The following NEK7 variants were observed in gnomAD, a reference collection of about 807,000 sequenced individuals.
The protein encoded by NEK7 is NIMA related kinase 7.
A neutral mutation model predicts 44.6 loss-of-function variants in NEK7; 18 were observed. The ratio of observed to expected loss-of-function variants is 0.40; its 90% CI spans 0.28 to 0.60. The LOEUF (loss-of-function observed/expected upper bound fraction) is 0.60. NEK7 is among the 20% of genes least tolerant of loss of function. NEK7 has a pLI of 0.38. For missense variants in NEK7, 256 were observed against 366.5 expected, an observed-to-expected ratio of 0.70 and a Z score of 2.46; for synonymous variants, 130 against 121.1, an observed-to-expected ratio of 1.07 and a Z score of -0.48.
intron 7 of NEK7, 42 bp downstream of exon 7, chr1:198,279,103 G>A: frequency 8.4e-7 from 1 of 1,197,314 alleles, no homozygotes; most frequent in African/African-American, 1.5e-5. Flanking sequence ...CTTTGTGTAT[G>A]TGTGATTAAA....
intron 5 of NEK7, among the ~76,000 whole-genome samples, chr1:198,277,416 C>G (rs1028045918): frequency 6.6e-6 from 1 of 151,746 alleles, no homozygotes; most frequent in African/African-American, 2.4e-5. Flanking sequence ...TTCATTCATT[C>G]AAAGCAAAGT....
At position 198,320,214 on chromosome 1, in the gene NEK7, A is replaced by G. The variant is rs1377172847; in HGVS notation, c.*692A>G. On this transcript the variant is annotated 3_prime_UTR_variant, in exon 10 of 10. Transcript: ENST00000367385. ...CTTTGCATTGAAATGGTATAAATGA[A>G]TCCATTTAAAAAGTGGTTAAGGATT... 1 of 152,172 alleles carries G rather than the reference A, an allele frequency of 6.6e-6. No homozygotes were observed. Among genetic ancestry groups the G allele is most frequent in the African/African-American group, 2.4e-5 (1 of 41,450 alleles). 9.4% of individuals were successfully genotyped at this position (152,172 alleles called of 1,614,324 possible).
Position 198,210,741 on chromosome 1 carries a change from C to CTTTTTTT in NEK7, c.-28-21789_-28-21783dup, listed in dbSNP as rs140181207. Reference sequence around the variant, plus strand: ...GTCATTGTCCCTTCAATTTGTATTTCTTTTTTTTTTTTTTTTTTTTTTTTT... The same window carrying CTTTTTTT: ...GTCATTGTCCCTTCAATTTGTATTTCTTTTTTTTTTTTTTTTTTTTTTTTTTTTTTTT... On this transcript the variant is annotated intron_variant, in intron 1 of 9. Coordinates refer to ENST00000367385, the MANE Select transcript of NEK7 (RefSeq NM_133494.3). Among the ~76,000 whole-genome samples the CTTTTTTT allele has an allele frequency of 2.8e-3, 161 of 57,540 alleles. 15 individuals are homozygous for CTTTTTTT. The highest frequency in any genetic ancestry group is 4.9e-3 in the East Asian group (8 of 1,624). The allele number at this position is 57,540 out of a possible 152,430, so 37.7% of individuals were successfully genotyped here. A position where few individuals can be genotyped will look rare whatever the true frequency, so the allele number is the denominator to read the frequency against.
At chr1:198,205,949 A>G (rs1207000089) in intron 1 of NEK7, among the ~76,000 whole-genome samples, 1 of 152,182 alleles carries the variant, frequency 6.6e-6, no homozygotes, top group Non-Finnish European at 1.5e-5. Flanking sequence ...GTTTGGGGGA[A>G]AGAGGAGGGA....
At chr1:198,240,798 C>T (rs1310275850) in intron 2 of NEK7, among the ~76,000 whole-genome samples, 4 of 152,244 alleles carry the variant, frequency 2.6e-5, no homozygotes, top group South Asian at 2.1e-4. Context: ...TGGGTTTAAG[C>T]GATTCTCCTG....
chr1:198,287,253 G>A (rs778045160), intron 7 of NEK7, among the ~76,000 whole-genome samples: 4 of 152,068 alleles, frequency 2.6e-5, no homozygotes, highest in South Asian at 4.1e-4. Flanking sequence ...AGGCCGAAGC[G>A]GGTGGATCAC....
chr1:198,312,618 C>T (rs1241203351), intron 9 of NEK7, among the ~76,000 whole-genome samples: 5 of 151,630 alleles, frequency 3.3e-5, no homozygotes, highest in Admixed American at 3.3e-4. Flanking sequence ...AAATGAGTCC[C>T]AGAGATTCTT....
At chr1:198,191,302 C>T (rs1385637912) in intron 1 of NEK7, among the ~76,000 whole-genome samples, 2 of 151,988 alleles carry the variant, frequency 1.3e-5, no homozygotes, top group Non-Finnish European at 2.9e-5. Context: ...TGAGTTCCAG[C>T]TGTTCCATAT....
chr1:198,272,993 C>T (rs560002668), intron 5 of NEK7, among the ~76,000 whole-genome samples: 1 of 151,586 alleles, frequency 6.6e-6, no homozygotes, highest in African/African-American at 2.4e-5. Flanking sequence ...TTCACATTTT[C>T]TACCCTAAGA....
At chr1:198,231,297 GTGTGTATATATATATATATA>G (rs1327788875) in intron 1 of NEK7, among the ~76,000 whole-genome samples, 25 of 90,188 alleles carry the variant, frequency 2.8e-4, no homozygotes, top group African/African-American at 1.2e-3. Context: ...GTGTATGTGT[GTGTGTATATATATATATATA>G]TATATATATA....
In NEK7 at chr1:198,193,101, C is replaced by T. The variant is rs1665127538; in HGVS notation, c.-29+35825C>T. Among the ~76,000 whole-genome samples the T allele has an allele frequency of 2.0e-5, 3 of 151,124 alleles. No individual in the cohort carries two copies. In the South Asian group the frequency reaches 6.3e-4, roughly 32 times the overall value. On this transcript the variant is annotated intron_variant, in intron 1 of 9. Transcript: ENST00000367385. ...GAAGAAGACAGAAGAATCAAATAGA[C>T]ACAATCAGAAATAATAAGGGGAATA... is the stretch of plus-strand genomic sequence containing the variant.
At chr1:198,292,797 A>G in intron 7 of NEK7, 148 bp from the exon 8 acceptor site, 1 of 636,958 alleles carries the variant, frequency 1.6e-6, no homozygotes, top group Non-Finnish European at 2.8e-6. Flanking sequence ...GAAATTAAAA[A>G]GTTTTTAGTA....
At chr1:198,285,577 G>A (rs1333169985) in intron 7 of NEK7, among the ~76,000 whole-genome samples, 3 of 151,948 alleles carry the variant, frequency 2.0e-5, no homozygotes, top group Non-Finnish European at 2.9e-5. Context: ...GGGGAAGAGA[G>A]CATGGAGAAT....
At chr1:198,209,403 T>A (rs1163688174) in intron 1 of NEK7, among the ~76,000 whole-genome samples, 1 of 152,140 alleles carries the variant, frequency 6.6e-6, no homozygotes, top group Non-Finnish European at 1.5e-5. Flanking sequence ...TTATCCCTGT[T>A]CCAAGCACTG....
At chr1:198,168,973 T>TGTAATGTTTACTCATTCGC in intron 1 of NEK7, among the ~76,000 whole-genome samples, 1 of 152,348 alleles carries the variant, frequency 6.6e-6, no homozygotes, top group African/African-American at 2.4e-5. Context: ...AGCAGCTTTC[T>TGTAATGTTTACTCATTCGC]GTAATGTTTA....
chr1:198,305,800 A>G (rs2103026546), intron 9 of NEK7, among the ~76,000 whole-genome samples: 1 of 152,276 alleles, frequency 6.6e-6, no homozygotes, highest in African/African-American at 2.4e-5. Context: ...GGCCTATGAA[A>G]TGTGAAGGCA....
intron 1 of NEK7, among the ~76,000 whole-genome samples, chr1:198,162,219 A>G (rs758761435): frequency 5.7e-4 from 87 of 152,192 alleles, no homozygotes; most frequent in Non-Finnish European, 1.1e-3. Context: ...ACACTTTCTC[A>G]GCTCTAGTCA....
intron 3 of NEK7, among the ~76,000 whole-genome samples, chr1:198,258,602 G>T (rs1214854200): frequency 6.6e-6 from 1 of 152,096 alleles, no homozygotes; most frequent in Non-Finnish European, 1.5e-5. Context: ...AAGAAATCTA[G>T]TGTTAACCTT....
chr1:198,191,594 T>G (rs1437044147), intron 1 of NEK7, among the ~76,000 whole-genome samples: 1 of 152,100 alleles, frequency 6.6e-6, no homozygotes, highest in Non-Finnish European at 1.5e-5. Flanking sequence ...CTTTTTAAAT[T>G]ACCTCTCTTG....
Sources: gnomAD v4.1 joint callset for allele counts (sites outside exome capture counted in the v4.1 genomes callset) on GRCh38, gnomAD v4.1.1 for gene constraint, MANE v1.5 for transcripts, NCBI Gene and HGNC (gene_info 2026-07-23, HGNC 2026-07-21) for gene names.